The following NEIL2 variants were observed in gnomAD, a reference collection of about 807,000 sequenced individuals.
NEIL2 encodes the protein endonuclease 8-like 2.
NEIL2 carries 23 observed loss-of-function variants against 22.2 expected under a neutral mutation model. The observed-to-expected ratio is 1.04, with a 90% CI of 0.75 to 1.47. The LOEUF (loss-of-function observed/expected upper bound fraction) is 1.47. Ranked by LOEUF, NEIL2 falls within the 40% of genes most tolerant of loss-of-function variation. NEIL2 has a pLI of 0.00. For synonymous variants in NEIL2, 229 were observed against 164.8 expected, an observed-to-expected ratio of 1.39 and a Z score of -2.99; for missense variants, 583 against 404.7, an observed-to-expected ratio of 1.44 and a Z score of -3.78.
intron 2 of NEIL2, among the ~76,000 whole-genome samples, chr8:11,777,700 A>G (rs927214424): frequency 6.6e-6 from 1 of 152,222 alleles, no homozygotes; most frequent in African/African-American, 2.4e-5. Flanking sequence ...CATGTTATAG[A>G]TAAGGGAAGA....
intron 3 of NEIL2, among the ~76,000 whole-genome samples, chr8:11,780,803 A>G (rs564584453): frequency 6.6e-6 from 1 of 152,314 alleles, no homozygotes; most frequent in South Asian, 2.1e-4. Flanking sequence ...GGGAATGCAT[A>G]TTCTTAGGGC....
intron 3 of NEIL2, among the ~76,000 whole-genome samples, chr8:11,780,634 C>T (rs904819710): frequency 6.6e-6 from 1 of 152,170 alleles, no homozygotes; most frequent in Non-Finnish European, 1.5e-5. Context: ...CGCCTACCTC[C>T]GCCTCCCAAA....
chr8:11,777,397 T>C (rs1327495441), intron 2 of NEIL2, among the ~76,000 whole-genome samples: 2 of 146,630 alleles, frequency 1.4e-5, no homozygotes, highest in African/African-American at 5.0e-5. Context: ...GAAAAACACA[T>C]AACAAACTTT....
chr8:11,774,550 C>T (rs938042920), intron 2 of NEIL2, among the ~76,000 whole-genome samples: 1 of 152,124 alleles, frequency 6.6e-6, no homozygotes, highest in Admixed American at 6.5e-5. Flanking sequence ...AGCACAAGTC[C>T]TCACATTTCA....
Position 11,772,788 on chromosome 8 carries a change from C to T in NEIL2, c.138+1203C>T, listed in dbSNP as rs965053399. On this transcript the variant is annotated intron_variant, in intron 2 of 4. Coordinates refer to ENST00000284503, the MANE Select transcript of NEIL2 (RefSeq NM_145043.4). ...TCTTAAGCATGTTCATCTCATAGCT[C>T]TTTCTTCTATTGTAGAATGGAGATA... is the stretch of plus-strand genomic sequence containing the variant. 9.9e-5 allele frequency among the ~76,000 whole-genome samples: 15 copies of T among 152,178 alleles called. 1 individual carries two copies.
intron 3 of NEIL2, among the ~76,000 whole-genome samples, chr8:11,782,145 G>A (rs971361256): frequency 1.3e-5 from 2 of 151,872 alleles, no homozygotes; most frequent in African/African-American, 4.8e-5. Context: ...ATATTAGGTT[G>A]GGTGTGGTGG....
intron 3 of NEIL2, among the ~76,000 whole-genome samples, chr8:11,782,402 G>A (rs751029360): frequency 4.6e-5 from 7 of 152,108 alleles, no homozygotes; most frequent in Non-Finnish European, 7.4e-5. Flanking sequence ...TCCCGCTTGG[G>A]TGACAAGAAT....
Position 11,785,610 on chromosome 8 carries a change from C to G in NEIL2, c.689-353C>G, listed in dbSNP as rs8191661. On this transcript the variant is annotated intron_variant, in intron 4 of 4. Coordinates refer to ENST00000284503, the MANE Select transcript of NEIL2 (RefSeq NM_145043.4). ...CAAAAACCAGGTAAGCCATCCCTGC[C>G]TTACAGATAAGGAAACTGCAGCTAA... 3.9e-3 allele frequency among the ~76,000 whole-genome samples: 596 copies of G among 152,316 alleles called. 3 individuals are homozygous for G. Among genetic ancestry groups the G allele is most frequent in the South Asian group, 0.019 (93 of 4,828 alleles).
intron 3 of NEIL2, 56 bp from the exon 4 acceptor site, chr8:11,783,147 T>C (rs1003813911): frequency 3.4e-6 from 5 of 1,484,722 alleles, no homozygotes; most frequent in South Asian, 2.3e-5. Flanking sequence ...CCACAGGGTG[T>C]GCTCTGACTA....
intron 2 of NEIL2, among the ~76,000 whole-genome samples, chr8:11,776,764 C>T (rs1021112084): frequency 6.6e-6 from 1 of 152,196 alleles, no homozygotes; most frequent in African/African-American, 2.4e-5. Context: ...CCTGGGTTCT[C>T]TCTTCCTTGG....
In NEIL2 at chr8:11,786,321, C is replaced by G; in HGVS notation, c.*48C>G. 1.3e-6 allele frequency: 2 copies of G among 1,563,648 alleles called. No individual in the cohort carries two copies. Among genetic ancestry groups the G allele is most frequent in the African/African-American group, 1.4e-5 (1 of 73,784 alleles). On this transcript the variant is annotated 3_prime_UTR_variant, in exon 5 of 5. Transcript: ENST00000284503. ...GAACCTTGCCGCTTGGGGAACCTGA[C>G]GTCTAAGTGTCCAGAAAGGAGGATG...
intron 2 of NEIL2, among the ~76,000 whole-genome samples, chr8:11,776,577 G>T (rs931423114): frequency 6.6e-6 from 1 of 152,194 alleles, no homozygotes; most frequent in African/African-American, 2.4e-5. Flanking sequence ...GGAATTGCTG[G>T]ACCATATAGT....
At chr8:11,780,054 C>A in intron 3 of NEIL2, 104 bp downstream of exon 3, 1 of 983,492 alleles carries the variant, frequency 1.0e-6, no homozygotes, top group Non-Finnish European at 1.6e-6. Flanking sequence ...GACGTCCAGT[C>A]TGCCCCCCAG....
chr8:11,783,168 A>G, intron 3 of NEIL2, 35 bp from the exon 4 acceptor site: 1 of 1,596,264 alleles, frequency 6.3e-7, no homozygotes, highest in Non-Finnish European at 8.6e-7. Flanking sequence ...TACTGTGGTA[A>G]CGATGTGTAC....
chr8:11,776,329 C>T (rs189000831), intron 2 of NEIL2, among the ~76,000 whole-genome samples: 210 of 152,270 alleles, frequency 1.4e-3, no homozygotes, highest in African/African-American at 4.8e-3. Context: ...TATCTCCCAC[C>T]GGGTCCCCCC....
At chr8:11,783,016 G>A (rs912279359) in intron 3 of NEIL2, 187 bp from the exon 4 acceptor site, 6 of 667,826 alleles carry the variant, frequency 9.0e-6, no homozygotes, top group East Asian at 8.3e-5. Context: ...GCCACAGAGT[G>A]TGCTCTGACT....
intron 2 of NEIL2, among the ~76,000 whole-genome samples, chr8:11,772,340 C>T (rs960377033): frequency 1.3e-5 from 2 of 152,242 alleles, no homozygotes; most frequent in Non-Finnish European, 2.9e-5. Flanking sequence ...AACCTGTCTT[C>T]TGATCGATGA....
intron 3 of NEIL2, chr8:11,782,958 C>T (rs1467174023): frequency 3.5e-6 from 2 of 576,258 alleles, no homozygotes; most frequent in African/African-American, 1.9e-5. Context: ...TGTCCTCTGA[C>T]TATGTTGTGG....
chr8:11,771,175 C>G (rs75084022), intron 1 of NEIL2, among the ~76,000 whole-genome samples: 193 of 152,256 alleles, frequency 1.3e-3, no homozygotes, highest in Non-Finnish European at 2.1e-3. Context: ...CCATGATGTG[C>G]TGCCTAGCAC....
Sources: allele counts gnomAD v4.1 joint callset (sites outside exome capture counted in the v4.1 genomes callset), GRCh38; gene constraint gnomAD v4.1.1; transcripts MANE v1.5; gene names NCBI Gene and HGNC (gene_info 2026-07-23, HGNC 2026-07-21).